The following OPTN variants were observed in gnomAD, a reference collection of about 807,000 sequenced individuals.
OPTN encodes the protein E3-14.7K-interacting protein.
OPTN carries 54 observed loss-of-function variants against 70.4 expected under a neutral mutation model. The ratio of observed to expected loss-of-function variants is 0.77; its 90% CI spans 0.62 to 0.96. OPTN has a LOEUF of 0.96. Ranked by LOEUF, OPTN falls within the 40% of genes least tolerant of loss-of-function variation. OPTN has a pLI of 0.00. For missense variants in OPTN, 624 were observed against 673.2 expected, an observed-to-expected ratio of 0.93 and a Z score of 0.81; for synonymous variants, 256 against 248.5, an observed-to-expected ratio of 1.03 and a Z score of -0.28.
chr10:13,114,475 T>A (rs754229633), intron 5 of OPTN, among the ~76,000 whole-genome samples: 11 of 151,934 alleles, frequency 7.2e-5, no homozygotes, highest in Non-Finnish European at 1.3e-4. Flanking sequence ...ATGAAGCTTC[T>A]TCCTTCAGGG....
intron 1 of OPTN, among the ~76,000 whole-genome samples, chr10:13,103,052 C>A (rs1489039286): frequency 6.6e-6 from 1 of 152,134 alleles, no homozygotes. Context: ...GCCTTACTCC[C>A]AGGTTCCTGC....
intron 1 of OPTN, among the ~76,000 whole-genome samples, chr10:13,104,223 C>T (rs892022698): frequency 2.0e-5 from 3 of 149,368 alleles, no homozygotes; most frequent in Non-Finnish European, 3.0e-5. Flanking sequence ...CCCTTTGAGT[C>T]ATCCAAAATC....
chr10:13,105,716 C>T (rs890405179), intron 1 of OPTN, among the ~76,000 whole-genome samples: 2 of 152,158 alleles, frequency 1.3e-5, no homozygotes, highest in Non-Finnish European at 2.9e-5. Flanking sequence ...CAAGACCAGA[C>T]TGGCCAACTT....
At chr10:13,105,701 G>A (rs1182886914) in intron 1 of OPTN, among the ~76,000 whole-genome samples, 1 of 152,114 alleles carries the variant, frequency 6.6e-6, no homozygotes, top group African/African-American at 2.4e-5. Context: ...CTGAGGTCAC[G>A]AGTTCAAGAC....
intron 5 of OPTN, among the ~76,000 whole-genome samples, chr10:13,113,795 C>T (rs935030921): frequency 1.4e-4 from 22 of 152,264 alleles, no homozygotes; most frequent in African/African-American, 5.3e-4. Context: ...TAATGGCTCA[C>T]GCCTATAATC....
intron 7 of OPTN, 57 bp downstream of exon 7, chr10:13,119,097 T>C: frequency 6.9e-7 from 1 of 1,459,068 alleles, no homozygotes; most frequent in Non-Finnish European, 9.5e-7. Context: ...TCCTGAGATA[T>C]AATTAAGATA....
rs574983670 is a variant in OPTN, at chr10:13,118,330, C to G, written c.627-558C>G. On this transcript the variant is annotated intron_variant, in intron 6 of 14. Coordinates refer to ENST00000378747, the MANE Select transcript of OPTN (RefSeq NM_001008212.2). ...GATTCTGTTTGTCACTGATATGTCT[C>G]TTGATTTAGTCAGATTTTGAAATCG... is the stretch of plus-strand genomic sequence containing the variant. Among the ~76,000 whole-genome samples the G allele has an allele frequency of 2.6e-5, 4 of 152,316 alleles. No homozygotes were observed. The South Asian group carries it at 8.3e-4, about 32-fold the overall frequency.
At chr10:13,129,813 T>G (rs935368177) in intron 12 of OPTN, among the ~76,000 whole-genome samples, 2 of 152,246 alleles carry the variant, frequency 1.3e-5, no homozygotes, top group African/African-American at 4.8e-5. Context: ...GAACATATTA[T>G]TTTTAATATA....
chr10:13,136,614 C>T, intron 14 of OPTN, 131 bp from the exon 15 acceptor site: 3 of 1,026,756 alleles, frequency 2.9e-6, no homozygotes, highest in Non-Finnish European at 4.4e-6. Context: ...GACCAAACAC[C>T]TGTGCTCATG....
chr10:13,122,793 C>T (rs945238199), intron 8 of OPTN: 27 of 340,582 alleles, frequency 7.9e-5, no homozygotes, highest in African/African-American at 4.9e-4. Context: ...TCTCCTGCCT[C>T]AGCCTCCCAA....
In OPTN at chr10:13,132,213, A is replaced by G. The variant is rs571113916; in HGVS notation, c.1532+16A>G. 6.2e-7 allele frequency: 1 copy of G among 1,610,642 alleles called. No homozygotes were observed. Among genetic ancestry groups the G allele is most frequent in the African/African-American group, 1.3e-5 (1 of 74,978 alleles). Reference sequence around the variant, plus strand: ...ACGGAGGCAGGTAAGGAAAAGAGAGAGGAGGACCCAGAGCTCACATCAGCA... The same window carrying G: ...ACGGAGGCAGGTAAGGAAAAGAGAGGGGAGGACCCAGAGCTCACATCAGCA... On this transcript the variant is annotated intron_variant, in intron 13 of 14. Coordinates refer to ENST00000378747, the MANE Select transcript of OPTN (RefSeq NM_001008212.2).
intron 12 of OPTN, among the ~76,000 whole-genome samples, chr10:13,128,526 T>TTTTTTTTTTTG: frequency 7.5e-6 from 1 of 132,608 alleles, no homozygotes; most frequent in Non-Finnish European, 1.6e-5. Flanking sequence ...TTTTTTTTTT[T>TTTTTTTTTTTG]TTTTTTTTGG....
intron 6 of OPTN, chr10:13,116,556 G>A (rs1273224992): frequency 2.3e-5 from 14 of 613,710 alleles, no homozygotes; most frequent in Non-Finnish European, 3.9e-5. Flanking sequence ...GGCTCACACT[G>A]ACTGCTCTGT....
rs1205506306 is a variant in OPTN, at chr10:13,133,432, T to C, written c.1533-70T>C. ...TCTTTTTTCCCCTACTTCTGTGGACTGTCTGCTCAGTGTTGTCATGTTTCG... is the reference window on the plus strand; with the variant it reads ...TCTTTTTTCCCCTACTTCTGTGGACCGTCTGCTCAGTGTTGTCATGTTTCG... On this transcript the variant is annotated intron_variant, in intron 13 of 14. Coordinates refer to ENST00000378747, the MANE Select transcript of OPTN (RefSeq NM_001008212.2). The C allele has an allele frequency of 2.8e-5, 37 of 1,313,840 alleles. No homozygotes were observed. In the East Asian group the frequency reaches 8.3e-4, roughly 29 times the overall value. 81.4% of individuals were successfully genotyped at this position (1,313,840 alleles called of 1,614,324 possible).
At chr10:13,115,661 A>C (rs1833190260) in intron 5 of OPTN, among the ~76,000 whole-genome samples, 2 of 144,136 alleles carry the variant, frequency 1.4e-5, no homozygotes, top group South Asian at 4.2e-4. Flanking sequence ...ATTTATACGT[A>C]TATACCTAGA....
chr10:13,119,490 A>G (rs1833295392), intron 7 of OPTN, among the ~76,000 whole-genome samples: 1 of 152,186 alleles, frequency 6.6e-6, no homozygotes, highest in Non-Finnish European at 1.5e-5. Flanking sequence ...CTTTTTACCT[A>G]TTAGGAATAA....
chr10:13,119,542 T>C (rs1833296517), intron 7 of OPTN, among the ~76,000 whole-genome samples: 1 of 152,232 alleles, frequency 6.6e-6, no homozygotes, highest in African/African-American at 2.4e-5. Context: ...CTGGGATATG[T>C]GTTTTTAATT....
At chr10:13,108,904 G>GCGCA (rs1491103867) in intron 2 of OPTN, 25 of 559,624 alleles carry the variant, frequency 4.5e-5, no homozygotes, top group East Asian at 3.3e-4. Context: ...ATGCACACAT[G>GCGCA]CGCGTGCACA....
chr10:13,124,438 A>G (rs1467453456), intron 9 of OPTN, among the ~76,000 whole-genome samples: 2 of 152,250 alleles, frequency 1.3e-5, no homozygotes, highest in African/African-American at 4.8e-5. Context: ...GTGAGTAAGC[A>G]TAAAGAAAGA....
Sources: allele counts gnomAD v4.1 joint callset (sites outside exome capture counted in the v4.1 genomes callset), GRCh38; gene constraint gnomAD v4.1.1; transcripts MANE v1.5; gene names NCBI Gene and HGNC (gene_info 2026-07-23, HGNC 2026-07-21).